DCLK1: variants seen among roughly 807,000 people sequenced by gnomAD.
DCLK1 encodes the protein doublecortin like kinase 1, also known as serine/threonine-protein kinase DCLK1.
A neutral mutation model predicts 86.2 loss-of-function variants in DCLK1; 16 were observed. The observed-to-expected ratio is 0.19, with a 90% CI of 0.13 to 0.28. DCLK1 has a LOEUF of 0.28. Ranked by LOEUF, DCLK1 falls within the 10% of genes least tolerant of loss-of-function variation. DCLK1 has a pLI of 1.00. For synonymous variants in DCLK1, 369 were observed against 370.5 expected (o/e 1.00, Z 0.05); for missense variants, 590 against 940.2 (o/e 0.63, Z 4.87).
intron 4 of DCLK1, among the ~76,000 whole-genome samples, chr13:35,923,883 C>G (rs1412111255): frequency 1.3e-5 from 2 of 152,118 alleles, no homozygotes; most frequent in Non-Finnish European, 2.9e-5. Flanking sequence ...TTGATGCTCA[C>G]AAGACAGTAA....
chr13:35,829,144 C>A (rs1208994233), intron 8 of DCLK1, among the ~76,000 whole-genome samples: 1 of 152,188 alleles, frequency 6.6e-6, no homozygotes, highest in African/African-American at 2.4e-5. Flanking sequence ...CTCCAGGCCC[C>A]TGCTCCCTGC....
intron 3 of DCLK1, among the ~76,000 whole-genome samples, chr13:35,995,107 C>T (rs1017885935): frequency 3.9e-5 from 6 of 152,166 alleles, no homozygotes; most frequent in Non-Finnish European, 8.8e-5. Flanking sequence ...TCCAAGGTAG[C>T]TTTGTAGTGG....
chr13:35,887,342 T>C (rs1346727447), intron 4 of DCLK1, among the ~76,000 whole-genome samples: 1 of 152,192 alleles, frequency 6.6e-6, no homozygotes, highest in African/African-American at 2.4e-5. Context: ...TTTAAGCAGC[T>C]CCAGTGGGTC....
chr13:36,022,862 C>A (rs929555209), intron 3 of DCLK1, among the ~76,000 whole-genome samples: 2 of 151,670 alleles, frequency 1.3e-5, no homozygotes, highest in African/African-American at 4.9e-5. Flanking sequence ...TAAACTCTTC[C>A]AAAAAAGAGG....
intron 3 of DCLK1, among the ~76,000 whole-genome samples, chr13:36,071,948 G>C (rs1016751285): frequency 6.6e-6 from 1 of 152,142 alleles, no homozygotes; most frequent in Non-Finnish European, 1.5e-5. Flanking sequence ...GATCGAGAGA[G>C]GCATGCCAAA....
At chr13:35,938,635 A>G (rs541231008) in intron 4 of DCLK1, among the ~76,000 whole-genome samples, 3 of 152,090 alleles carry the variant, frequency 2.0e-5, no homozygotes, top group African/African-American at 7.2e-5. Flanking sequence ...TCTCAAAAAA[A>G]AAAAGCCCTA....
chr13:35,930,455 G>T (rs925824089), intron 4 of DCLK1, among the ~76,000 whole-genome samples: 10 of 152,156 alleles, frequency 6.6e-5, no homozygotes, highest in Admixed American at 6.5e-4. Context: ...AATTGGATTA[G>T]CCAGGCATGG....
rs79186645 is a variant in DCLK1 at position 36,094,306 on chromosome 13, T to C, written c.723+17563A>G. ...AAATGCTAGAAACACCTTAACGTGC[T>C]TTATAAAAGCTGGCATTATCGTCAT... On this transcript the variant is annotated intron_variant, in intron 3 of 16. Coordinates refer to ENST00000360631, the MANE Select transcript of DCLK1 (RefSeq NM_001330071.2). 3.7e-4 allele frequency among the ~76,000 whole-genome samples: 57 copies of C among 152,348 alleles called. 1 individual carries two copies. The East Asian group carries it at 0.01, about 27-fold the overall frequency.
chr13:35,961,975 G>A lies in DCLK1; in HGVS notation c.724-14518C>T, dbSNP rs962577102. 2.2e-4 allele frequency among the ~76,000 whole-genome samples: 34 copies of A among 152,210 alleles called. 1 individual carries two copies. Among genetic ancestry groups the A allele is most frequent in the African/African-American group, 8.2e-4 (34 of 41,538 alleles). Reference sequence around the variant, plus strand: ...TCACCATAACAATGTAATTTCTGAAGCAATCAAGCCATAAACTTCTTTTTG... The same window carrying A: ...TCACCATAACAATGTAATTTCTGAAACAATCAAGCCATAAACTTCTTTTTG... On this transcript the variant is annotated intron_variant, in intron 3 of 16. Transcript: ENST00000360631.
At chr13:35,822,618 T>C in intron 11 of DCLK1, 111 bp downstream of exon 11, 1 of 1,491,072 alleles carries the variant, frequency 6.7e-7, no homozygotes, top group Non-Finnish European at 9.1e-7. Flanking sequence ...TAACTGGAAA[T>C]TAACCTTTCA....
chr13:35,774,200 T>C lies in DCLK1; in HGVS notation c.*335A>G, dbSNP rs1228191741. 5.2e-6 allele frequency: 1 copy of C among 192,258 alleles called. No homozygotes were observed. The highest frequency in any genetic ancestry group is 5.4e-5 in the Admixed American group (1 of 18,408). 11.9% of individuals were successfully genotyped at this position (192,258 alleles called of 1,614,324 possible). On this transcript the variant is annotated 3_prime_UTR_variant, in exon 17 of 17. Transcript: ENST00000360631. The stretch of plus-strand genomic sequence containing the variant: ...AACAAGAATTCTCAATAAAATTCTA[T>C]GCACTCAGAGGGTTAACAAGTGCTA...
At chr13:35,965,114 C>T (rs1012147719) in intron 3 of DCLK1, among the ~76,000 whole-genome samples, 1 of 152,178 alleles carries the variant, frequency 6.6e-6, no homozygotes, top group African/African-American at 2.4e-5. Flanking sequence ...TCTGAGATCA[C>T]CAGTGCAGTT....
rs1566633042 is a variant in DCLK1 at position 35,985,395 on chromosome 13, A to AAAC, written c.724-37939_724-37938insGTT. The stretch of plus-strand genomic sequence containing the variant: ...GCTCTTTGAAAAACAAACAAACAAA[A>AAAC]AAAAAAAATTGGAGTACTGAAAATG... On this transcript the variant is annotated intron_variant, in intron 3 of 16. Coordinates refer to ENST00000360631, the MANE Select transcript of DCLK1 (RefSeq NM_001330071.2). Among the ~76,000 whole-genome samples, 37 of 150,600 alleles carry AAAC rather than the reference A, an allele frequency of 2.5e-4. No homozygotes were observed. In the East Asian group the frequency reaches 3.6e-3, roughly 15 times the overall value.
intron 3 of DCLK1, among the ~76,000 whole-genome samples, chr13:36,029,372 G>A (rs371028999): frequency 1.4e-3 from 215 of 152,300 alleles, no homozygotes; most frequent in Middle Eastern, 6.8e-3. Context: ...TTCTATCAGC[G>A]TCACAGCAGG....
At chr13:35,923,336 G>A (rs1329388351) in intron 4 of DCLK1, among the ~76,000 whole-genome samples, 1 of 152,040 alleles carries the variant, frequency 6.6e-6, no homozygotes, top group Non-Finnish European at 1.5e-5. Context: ...TTCCAACCCG[G>A]CTCTGGAGCA....
chr13:36,100,676 T>A (rs1885184780), intron 3 of DCLK1, among the ~76,000 whole-genome samples: 1 of 152,334 alleles, frequency 6.6e-6, no homozygotes, highest in East Asian at 1.9e-4. Flanking sequence ...CTGGGCATTG[T>A]ATGGCTTTTT....
intron 3 of DCLK1, among the ~76,000 whole-genome samples, chr13:36,056,902 A>ATATAT (rs1177091325): frequency 3.8e-5 from 5 of 132,218 alleles, no homozygotes; most frequent in Non-Finnish European, 6.8e-5. Flanking sequence ...ACAAAAAAAA[A>ATATAT]AAAAATATAT....
rs1413500299 is a variant in DCLK1 at position 36,029,792 on chromosome 13, A to T, written c.723+82077T>A. Among the ~76,000 whole-genome samples, 2 of 152,122 alleles carry T rather than the reference A, an allele frequency of 1.3e-5. 1 individual carries two copies. Among genetic ancestry groups the T allele is most frequent in the Middle Eastern group, 6.3e-3 (2 of 316 alleles). ...GAATTTTCATTACAAATAACATTTT[A>T]AAATGTTCATGTGATATTTAGTGAT... On this transcript the variant is annotated intron_variant, in intron 3 of 16. Transcript: ENST00000360631.
chr13:35,964,942 T>G (rs1178892442), intron 3 of DCLK1, among the ~76,000 whole-genome samples: 4 of 152,080 alleles, frequency 2.6e-5, no homozygotes, highest in Non-Finnish European at 5.9e-5. Flanking sequence ...AAAGACAGAG[T>G]TGAGTAGTTG....
Sources: gnomAD v4.1 joint callset for allele counts (sites outside exome capture counted in the v4.1 genomes callset) on GRCh38, gnomAD v4.1.1 for gene constraint, MANE v1.5 for transcripts, NCBI Gene and HGNC (gene_info 2026-07-23, HGNC 2026-07-21) for gene names.